The following KIAA1217 variants were observed in gnomAD, a reference collection of about 807,000 sequenced individuals.
KIAA1217 encodes the protein sickle tail protein homolog.
Under a neutral mutation model 163.9 loss-of-function variants are expected in KIAA1217, and 88 were observed. The observed-to-expected ratio is 0.54, with a 90% CI of 0.45 to 0.64. The LOEUF (loss-of-function observed/expected upper bound fraction) is 0.64. Ranked by LOEUF, KIAA1217 falls within the 30% of genes least tolerant of loss-of-function variation. The pLI is 0.00. For missense variants in KIAA1217, 2,372 were observed against 2,475.0 expected, an observed-to-expected ratio of 0.96 and a Z score of 0.88; for synonymous variants, 903 against 923.1, an observed-to-expected ratio of 0.98 and a Z score of 0.39.
chr10:23,971,854 C>T (rs914797379), intron 1 of KIAA1217, among the ~76,000 whole-genome samples: 2 of 152,118 alleles, frequency 1.3e-5, no homozygotes, highest in African/African-American at 4.8e-5. Flanking sequence ...AAAACTGCTA[C>T]CTGGAGGCTT....
chr10:23,790,378 T>TATATGC (rs1835783697), intron 1 of KIAA1217, among the ~76,000 whole-genome samples: 9 of 86,266 alleles, frequency 1.0e-4, no homozygotes, highest in Non-Finnish European at 1.9e-4. Flanking sequence ...TATACATATG[T>TATATGC]ATATATACAT....
chr10:24,242,533 T>C (rs1368687439), intron 2 of KIAA1217, among the ~76,000 whole-genome samples: 3 of 152,188 alleles, frequency 2.0e-5, no homozygotes, highest in Non-Finnish European at 4.4e-5. Context: ...TCTTTGTGGA[T>C]AGCACGGTGA....
chr10:24,254,058 A>G (rs1042452227), intron 2 of KIAA1217, among the ~76,000 whole-genome samples: 1 of 152,324 alleles, frequency 6.6e-6, no homozygotes, highest in African/African-American at 2.4e-5. Context: ...TGACATGACC[A>G]TTTACCTAAT....
intron 1 of KIAA1217, among the ~76,000 whole-genome samples, chr10:23,819,819 G>T (rs1208484676): frequency 6.6e-6 from 1 of 152,158 alleles, no homozygotes; most frequent in Non-Finnish European, 1.5e-5. Context: ...CAGACCAGTA[G>T]TTCAGGAGCT....
chr10:23,928,479 T>A (rs954726907), intron 1 of KIAA1217, among the ~76,000 whole-genome samples: 1 of 152,220 alleles, frequency 6.6e-6, no homozygotes. Flanking sequence ...TTTATATAAA[T>A]GTATATGGTC....
intron 17 of KIAA1217, among the ~76,000 whole-genome samples, chr10:24,537,326 A>G (rs2074172812): frequency 6.6e-6 from 1 of 152,134 alleles, no homozygotes; most frequent in African/African-American, 2.4e-5. Context: ...TTGTAATCCC[A>G]CCACTTTGGG....
At chr10:24,054,802 G>C (rs1372484455) in intron 2 of KIAA1217, among the ~76,000 whole-genome samples, 3 of 152,076 alleles carry the variant, frequency 2.0e-5, no homozygotes, top group Admixed American at 2.0e-4. Context: ...GCAGATTACT[G>C]TACTGAATAC....
intron 1 of KIAA1217, among the ~76,000 whole-genome samples, chr10:23,952,590 A>T: frequency 6.6e-6 from 1 of 152,192 alleles, no homozygotes; most frequent in Middle Eastern, 3.2e-3. Context: ...CCATTTAGGG[A>T]CAAGATTGGG....
intron 1 of KIAA1217, among the ~76,000 whole-genome samples, chr10:23,950,075 T>G (rs1023463671): frequency 2.0e-5 from 3 of 152,190 alleles, no homozygotes; most frequent in Non-Finnish European, 4.4e-5. Flanking sequence ...CAGTAAGTGA[T>G]AGAGGAGAAA....
intron 6 of KIAA1217, among the ~76,000 whole-genome samples, chr10:24,476,348 AT>A: frequency 6.6e-6 from 1 of 152,266 alleles, no homozygotes; most frequent in East Asian, 1.9e-4. Context: ...TGGGATCAAA[AT>A]CTTGAAAGAT....
intron 1 of KIAA1217, among the ~76,000 whole-genome samples, chr10:23,824,202 TG>T (rs1176943335): frequency 6.6e-6 from 1 of 151,168 alleles, no homozygotes; most frequent in Non-Finnish European, 1.5e-5. Context: ...GATCTGGGGG[TG>T]GTAGAGGTTG....
chr10:24,183,331 T>C (rs2066269283), intron 2 of KIAA1217, among the ~76,000 whole-genome samples: 1 of 152,220 alleles, frequency 6.6e-6, no homozygotes, highest in African/African-American at 2.4e-5. Context: ...TATTCAGATA[T>C]AGCCAAATTT....
At chr10:23,731,548 G>C (rs1414253921) in intron 1 of KIAA1217, among the ~76,000 whole-genome samples, 3 of 152,116 alleles carry the variant, frequency 2.0e-5, no homozygotes, top group Admixed American at 2.0e-4. Flanking sequence ...CTTTTGAAAG[G>C]GCTGGTTTCT....
chr10:24,307,285 T>C (rs907476664), intron 2 of KIAA1217, among the ~76,000 whole-genome samples: 2 of 152,214 alleles, frequency 1.3e-5, no homozygotes, highest in East Asian at 3.9e-4. Context: ...TCTTATGTTA[T>C]AAAGCTTGTG....
intron 1 of KIAA1217, among the ~76,000 whole-genome samples, chr10:23,849,292 C>T (rs1158264528): frequency 2.6e-5 from 4 of 152,024 alleles, no homozygotes; most frequent in Non-Finnish European, 5.9e-5. Context: ...TTTCTGGGAA[C>T]CAGTTTTTAC....
Position 24,075,183 on chromosome 10 carries a change from A to G in KIAA1217, c.-171+67809A>G, listed in dbSNP as rs1436554490. Among the ~76,000 whole-genome samples the G allele has an allele frequency of 2.0e-5, 3 of 150,192 alleles. No homozygotes were observed. In the East Asian group the frequency reaches 5.9e-4, roughly 30 times the overall value. On this transcript the variant is annotated intron_variant, in intron 2 of 18. Transcript: ENST00000376462. ...ACACACACCCCTTCCTCACATGCTC[A>G]CTACAGCCTCAAATTCCAAAATGGG...
intron 2 of KIAA1217, among the ~76,000 whole-genome samples, chr10:24,128,148 G>T (rs1239521467): frequency 6.6e-6 from 1 of 152,128 alleles, no homozygotes; most frequent in Non-Finnish European, 1.5e-5. Context: ...GAGCGGAGAC[G>T]CTGAATCTTT....
At chr10:24,128,667 T>A (rs945429227) in intron 2 of KIAA1217, among the ~76,000 whole-genome samples, 1 of 152,156 alleles carries the variant, frequency 6.6e-6, no homozygotes, top group Admixed American at 6.5e-5. Context: ...AGCTTTTAAT[T>A]GACGTCTGTG....
At position 24,427,172 on chromosome 10, in the gene KIAA1217, T is replaced by C. The variant is rs575491953; in HGVS notation, c.554-5823T>C. 2.6e-5 allele frequency among the ~76,000 whole-genome samples: 4 copies of C among 152,282 alleles called. No homozygotes were observed. The East Asian group carries it at 7.8e-4, about 30-fold the overall frequency. ...GCAAGGTTCATATCGACACTCACTC[T>C]GGCACAGGTTTCAGAGCTCGGCACC... On this transcript the variant is annotated intron_variant, in intron 3 of 20. Coordinates refer to ENST00000376454, the MANE Select transcript of KIAA1217 (RefSeq NM_019590.5).
Sources: gnomAD v4.1 joint callset for allele counts (sites outside exome capture counted in the v4.1 genomes callset) on GRCh38, gnomAD v4.1.1 for gene constraint, MANE v1.5 for transcripts, NCBI Gene and HGNC (gene_info 2026-07-23, HGNC 2026-07-21) for gene names.